The following NME7 variants were observed in gnomAD, a reference collection of about 807,000 sequenced individuals.
NME7 encodes the protein NME/NM23 family member 7, also known as nucleoside diphosphate kinase 7.
Under a neutral mutation model 49.1 loss-of-function variants are expected in NME7, and 41 were observed. That is an observed-to-expected ratio of 0.83 (90% CI 0.65 to 1.08). The LOEUF is 1.08. NME7 is among the 50% of genes least tolerant of loss of function. The probability of loss-of-function intolerance (pLI) is 0.00; values close to 1 mark genes in which losing one functional copy is unlikely to be tolerated. For missense variants in NME7, 423 were observed against 463.4 expected (o/e 0.91, Z 0.80); for synonymous variants, 139 against 150.6 (o/e 0.92, Z 0.56).
chr1:169,325,235 A>G (rs569872109), intron 1 of NME7, among the ~76,000 whole-genome samples: 2 of 152,280 alleles, frequency 1.3e-5, no homozygotes, highest in East Asian at 3.9e-4. Flanking sequence ...CCCTCTAAGA[A>G]AGGTTCTGTA....
At position 169,324,381 on chromosome 1, in the gene NME7, A is replaced by G. The variant is rs1277243479; in HGVS notation, c.111+12T>C. The G allele has an allele frequency of 6.4e-7, 1 of 1,556,168 alleles. No homozygotes were observed. The highest frequency in any genetic ancestry group is 8.9e-7 in the Non-Finnish European group (1 of 1,129,636). On this transcript the variant is annotated intron_variant, in intron 2 of 11. Coordinates refer to ENST00000367811, the MANE Select transcript of NME7 (RefSeq NM_013330.5). Reference sequence around the variant, plus strand: ...CCTTTGCCAACATTCAAGCAAAGAAAGGCTTATTTACCATTTCAACAGATC... The same window carrying G: ...CCTTTGCCAACATTCAAGCAAAGAAGGGCTTATTTACCATTTCAACAGATC...
At chr1:169,323,071 A>G in intron 3 of NME7, 46 bp downstream of exon 3, 4 of 1,433,970 alleles carry the variant, frequency 2.8e-6, no homozygotes, top group Non-Finnish European at 3.7e-6. Flanking sequence ...TTGACTTTGA[A>G]CCCAAAGTTA....
At chr1:169,145,738 A>T (rs1264378946) in intron 11 of NME7, among the ~76,000 whole-genome samples, 1 of 152,234 alleles carries the variant, frequency 6.6e-6, no homozygotes, top group Non-Finnish European at 1.5e-5. Context: ...TTCACAATGT[A>T]TGTTGACCCG....
At chr1:169,345,683 T>C (rs369109139) in intron 1 of NME7, among the ~76,000 whole-genome samples, 1 of 152,322 alleles carries the variant, frequency 6.6e-6, no homozygotes, top group African/African-American at 2.4e-5. Flanking sequence ...TTAGCTACAC[T>C]CACTCTGTTA....
intron 1 of NME7, among the ~76,000 whole-genome samples, chr1:169,365,669 A>G (rs1189282449): frequency 6.6e-6 from 1 of 152,218 alleles, no homozygotes; most frequent in Admixed American, 6.5e-5. Flanking sequence ...GAAATAGGGA[A>G]TCTAGAGTTT....
At chr1:169,254,390 C>T (rs2101852221) in intron 7 of NME7, among the ~76,000 whole-genome samples, 1 of 152,046 alleles carries the variant, frequency 6.6e-6, no homozygotes, top group South Asian at 2.1e-4. Flanking sequence ...GTTTGTATTT[C>T]TGTGGGATTG....
chr1:169,301,923 G>A (rs1650956049), intron 5 of NME7: 1 of 152,114 alleles, frequency 6.6e-6, no homozygotes, highest in Non-Finnish European at 1.5e-5. Flanking sequence ...TACTAGAGGA[G>A]AGAAGGCAGG....
At chr1:169,320,622 A>C (rs1651818480) in intron 3 of NME7, among the ~76,000 whole-genome samples, 1 of 152,164 alleles carries the variant, frequency 6.6e-6, no homozygotes, top group African/African-American at 2.4e-5. Flanking sequence ...TAAAACAATA[A>C]ATTTTTGAAA....
intron 7 of NME7, among the ~76,000 whole-genome samples, chr1:169,281,194 A>G (rs1212558152): frequency 6.6e-6 from 1 of 151,978 alleles, no homozygotes; most frequent in African/African-American, 2.4e-5. Flanking sequence ...TTGTATTCCT[A>G]GGTATTTTAT....
At chr1:169,226,827 A>G (rs562088570) in intron 10 of NME7, among the ~76,000 whole-genome samples, 3 of 152,316 alleles carry the variant, frequency 2.0e-5, no homozygotes, top group East Asian at 1.9e-4. Context: ...TTTACACGTT[A>G]AATCAGTTCC....
At chr1:169,238,477 GCACACACA>G (rs138287537) in intron 7 of NME7, among the ~76,000 whole-genome samples, 1,370 of 124,144 alleles carry the variant, frequency 0.011, 23 homozygotes, top group African/African-American at 0.034. Context: ...ATGCACAAAG[GCACACACA>G]CACACACACA....
At chr1:169,231,999 G>A (rs1647643537) in intron 9 of NME7, among the ~76,000 whole-genome samples, 1 of 151,928 alleles carries the variant, frequency 6.6e-6, no homozygotes, top group Non-Finnish European at 1.5e-5. Flanking sequence ...ATTACCAGAA[G>A]AAAACTCAAT....
chr1:169,244,245 C>T (rs79099701), intron 7 of NME7, among the ~76,000 whole-genome samples: 2,279 of 152,112 alleles, frequency 0.015, 52 homozygotes, highest in African/African-American at 0.048. Flanking sequence ...CATTCTGATT[C>T]TTATCAATTT....
Position 169,274,884 on chromosome 1 carries a change from T to C in NME7, c.754+12419A>G, listed in dbSNP as rs1264920780. 2.2e-5 allele frequency among the ~76,000 whole-genome samples: 3 copies of C among 133,614 alleles called. 1 individual carries two copies. The highest frequency in any genetic ancestry group is 5.3e-5 in the Non-Finnish European group (3 of 56,926). The allele number at this position is 133,614 out of a possible 152,430, so 87.7% of individuals were successfully genotyped here. ...GGTTACTGTAGCCTTGTAGTATAGTTTGAAGTCAGGTAGCGTGATGCCTCC... is the reference window on the plus strand; with the variant it reads ...GGTTACTGTAGCCTTGTAGTATAGTCTGAAGTCAGGTAGCGTGATGCCTCC... On this transcript the variant is annotated intron_variant, in intron 7 of 11. Transcript: ENST00000367811.
intron 10 of NME7, among the ~76,000 whole-genome samples, chr1:169,171,159 G>A: frequency 6.6e-6 from 1 of 152,088 alleles, no homozygotes; most frequent in East Asian, 1.9e-4. Context: ...CACTTTGGGA[G>A]GAGTTTGAGA....
At chr1:169,316,901 T>C (rs1277025808) in intron 3 of NME7, among the ~76,000 whole-genome samples, 1 of 151,458 alleles carries the variant, frequency 6.6e-6, no homozygotes, top group East Asian at 1.9e-4. Flanking sequence ...TTGGTAGTAA[T>C]TTGTTATAAC....
At chr1:169,207,862 T>C (rs983423940) in intron 10 of NME7, among the ~76,000 whole-genome samples, 2 of 152,122 alleles carry the variant, frequency 1.3e-5, no homozygotes, top group African/African-American at 2.4e-5. Flanking sequence ...GCTAGATTTA[T>C]GGAGTCCTGT....
intron 7 of NME7, among the ~76,000 whole-genome samples, chr1:169,258,399 TATATATAC>T (rs201220799): frequency 0.01 from 691 of 68,580 alleles, 87 homozygotes; most frequent in East Asian, 0.049. Flanking sequence ...TATATATATA[TATATATAC>T]ACACACACAC....
chr1:169,150,938 T>C (rs115128381), intron 11 of NME7, among the ~76,000 whole-genome samples: 2,591 of 152,354 alleles, frequency 0.017, 32 homozygotes, highest in Non-Finnish European at 0.027. Context: ...TTTATGGACA[T>C]TGAAATTTGC....
Sources: allele counts gnomAD v4.1 joint callset (sites outside exome capture counted in the v4.1 genomes callset), GRCh38; gene constraint gnomAD v4.1.1; transcripts MANE v1.5; gene names NCBI Gene and HGNC (gene_info 2026-07-23, HGNC 2026-07-21).